The following FHIT variants were observed in gnomAD, a reference collection of about 807,000 sequenced individuals.
FHIT encodes fragile histidine triad diadenosine triphosphatase, also known as bis(5'-adenosyl)-triphosphatase.
A neutral mutation model predicts 17.9 loss-of-function variants in FHIT; 19 were observed. That is an observed-to-expected ratio of 1.06 (90% confidence interval 0.74 to 1.56). The LOEUF (loss-of-function observed/expected upper bound fraction) is 1.56. Ranked by LOEUF, FHIT falls within the 40% of genes most tolerant of loss-of-function variation. The pLI is 0.00. For missense variants in FHIT, 248 were observed against 189.2 expected (o/e 1.31, Z -1.82); for synonymous variants, 81 against 69.7 (o/e 1.16, Z -0.81).
intron 5 of FHIT, among the ~76,000 whole-genome samples, chr3:60,082,830 T>C (rs2107052434): frequency 6.6e-6 from 1 of 152,258 alleles, no homozygotes; most frequent in African/African-American, 2.4e-5. Context: ...TGTTTTTTGC[T>C]TGTTGAATTG....
At chr3:60,452,077 C>A (rs996092132) in intron 5 of FHIT, among the ~76,000 whole-genome samples, 51 of 152,118 alleles carry the variant, frequency 3.4e-4, no homozygotes, top group African/African-American at 1.1e-3. Context: ...TATTTCTATA[C>A]TTCTGTGAGA....
At chr3:60,333,582 A>G (rs1295721267) in intron 5 of FHIT, among the ~76,000 whole-genome samples, 2 of 152,162 alleles carry the variant, frequency 1.3e-5, no homozygotes, top group African/African-American at 4.8e-5. Flanking sequence ...TATAATTAAG[A>G]AAAAAACATA....
At chr3:61,117,572 A>AGATTAAATG (rs1171780232) in intron 2 of FHIT, among the ~76,000 whole-genome samples, 1 of 152,224 alleles carries the variant, frequency 6.6e-6, no homozygotes, top group Non-Finnish European at 1.5e-5. Context: ...CTATACAAAA[A>AGATTAAATG]GATTAAATGC....
intron 4 of FHIT, among the ~76,000 whole-genome samples, chr3:60,644,467 A>G (rs1353289411): frequency 1.3e-5 from 2 of 152,240 alleles, no homozygotes; most frequent in Non-Finnish European, 2.9e-5. Flanking sequence ...ATATGTGTTG[A>G]ATACATAGGT....
intron 3 of FHIT, among the ~76,000 whole-genome samples, chr3:60,841,475 A>T (rs1323813239): frequency 1.3e-5 from 2 of 152,344 alleles, no homozygotes; most frequent in South Asian, 4.1e-4. Flanking sequence ...AAATTCCCAG[A>T]AAGAGATCTT....
chr3:60,410,539 A>AT (rs1014616362), intron 5 of FHIT, among the ~76,000 whole-genome samples: 14 of 152,112 alleles, frequency 9.2e-5, no homozygotes, highest in Non-Finnish European at 1.8e-4. Flanking sequence ...TATTCACAGC[A>AT]TTTTTTTACT....
intron 3 of FHIT, among the ~76,000 whole-genome samples, chr3:60,879,280 A>T (rs1704841627): frequency 6.6e-6 from 1 of 152,212 alleles, no homozygotes; most frequent in Admixed American, 6.5e-5. Flanking sequence ...AGCCTAAGTC[A>T]TTCAGGCATC....
chr3:60,088,896 A>T (rs1703612824), intron 5 of FHIT, among the ~76,000 whole-genome samples: 1 of 152,178 alleles, frequency 6.6e-6, no homozygotes, highest in African/African-American at 2.4e-5. Context: ...ATAAATATTT[A>T]TTAAATGAAA....
chr3:59,802,253 G>A (rs542109733), intron 8 of FHIT, among the ~76,000 whole-genome samples: 1 of 152,086 alleles, frequency 6.6e-6, no homozygotes, highest in South Asian at 2.1e-4. Flanking sequence ...CAAAGCGTCT[G>A]CCCTATTCAG....
intron 8 of FHIT, among the ~76,000 whole-genome samples, chr3:59,836,076 G>A (rs1263328637): frequency 2.0e-5 from 3 of 152,096 alleles, no homozygotes; most frequent in Non-Finnish European, 4.4e-5. Context: ...ACTAAATGCA[G>A]CATGCCCAAG....
intron 3 of FHIT, among the ~76,000 whole-genome samples, chr3:60,993,279 T>A (rs1457910726): frequency 6.6e-6 from 1 of 152,214 alleles, no homozygotes; most frequent in Non-Finnish European, 1.5e-5. Context: ...GCCTTTAGTC[T>A]TCGTCTCTGG....
At chr3:61,093,616 A>G (rs1439376358) in intron 2 of FHIT, among the ~76,000 whole-genome samples, 4 of 152,250 alleles carry the variant, frequency 2.6e-5, no homozygotes, top group African/African-American at 9.6e-5. Flanking sequence ...AGTAGATCAG[A>G]GCAGATTTGA....
intron 1 of FHIT, among the ~76,000 whole-genome samples, chr3:61,238,744 C>T (rs112416441): frequency 1.6e-4 from 24 of 152,336 alleles, no homozygotes; most frequent in Admixed American, 6.5e-4. Context: ...AGCCATGATT[C>T]TAACATATAA....
chr3:60,676,961 G>T (rs548025351), intron 4 of FHIT, among the ~76,000 whole-genome samples: 3 of 152,072 alleles, frequency 2.0e-5, no homozygotes, highest in Non-Finnish European at 4.4e-5. Context: ...TACAACTTCC[G>T]CCTCCTGGGT....
intron 8 of FHIT, among the ~76,000 whole-genome samples, chr3:59,776,437 C>G (rs114944948): frequency 0.014 from 2,184 of 152,234 alleles, 43 homozygotes; most frequent in African/African-American, 0.048. Context: ...AGAGATGTGA[C>G]ATAAATAATA....
chr3:61,206,454 G>A (rs1321816539), intron 1 of FHIT, among the ~76,000 whole-genome samples: 1 of 151,858 alleles, frequency 6.6e-6, no homozygotes, highest in Admixed American at 6.6e-5. Flanking sequence ...CCATGGGCAT[G>A]GAATGTTCTT....
intron 5 of FHIT, among the ~76,000 whole-genome samples, chr3:60,083,199 A>G (rs773986520): frequency 6.6e-6 from 1 of 152,128 alleles, no homozygotes; most frequent in African/African-American, 2.4e-5. Flanking sequence ...CAGCTATCCC[A>G]GCAATAACAA....
intron 4 of FHIT, among the ~76,000 whole-genome samples, chr3:60,810,950 C>T (rs1332443373): frequency 6.6e-6 from 1 of 152,014 alleles, no homozygotes; most frequent in Non-Finnish European, 1.5e-5. Flanking sequence ...AAAACATAGG[C>T]CTTGGTGACA....
At chr3:60,002,288 G>GT (rs1165894451) in intron 7 of FHIT, among the ~76,000 whole-genome samples, 3 of 152,048 alleles carry the variant, frequency 2.0e-5, no homozygotes, top group Non-Finnish European at 4.4e-5. Flanking sequence ...GTTTGTGTGT[G>GT]TTTTTTTGTT....
Sources: gnomAD v4.1 joint callset for allele counts (sites outside exome capture counted in the v4.1 genomes callset) on GRCh38, gnomAD v4.1.1 for gene constraint, MANE v1.5 for transcripts, NCBI Gene and HGNC (gene_info 2026-07-23, HGNC 2026-07-21) for gene names.